Variants in PDC observed in about 807,000 individuals in gnomAD.
PDC encodes the protein 33 kDa phototransducing protein.
PDC carries 19 observed loss-of-function variants against 22.2 expected under a neutral mutation model. The ratio of observed to expected loss-of-function variants is 0.86; its 90% CI spans 0.60 to 1.26. PDC has a LOEUF of 1.26. Among genes scored for constraint, PDC ranks in the 50% most tolerant of loss-of-function variants. The pLI, the probability that PDC is intolerant of heterozygous loss-of-function variation, is 0.00. For synonymous variants in PDC, 97 were observed against 96.2 expected, an observed-to-expected ratio of 1.01 and a Z score of -0.05; for missense variants, 274 against 286.8, an observed-to-expected ratio of 0.96 and a Z score of 0.32.
intron 3 of PDC, 95 bp downstream of exon 3, chr1:186,446,331 A>T: frequency 1.1e-6 from 1 of 944,736 alleles, no homozygotes; most frequent in Non-Finnish European, 1.5e-6. Context: ...ATTGTAATGA[A>T]TATATTTTGT....
At chr1:186,451,896 T>C (rs1037396248) in intron 1 of PDC, 2 of 152,236 alleles carry the variant, frequency 1.3e-5, no homozygotes, top group African/African-American at 4.8e-5. Flanking sequence ...TGCTCACTAA[T>C]ACTAAGACTT....
intron 1 of PDC, among the ~76,000 whole-genome samples, chr1:186,457,623 G>T (rs993965152): frequency 6.6e-6 from 1 of 151,962 alleles, no homozygotes; most frequent in African/African-American, 2.4e-5. Flanking sequence ...GATTTTTGTT[G>T]CCACCTTCAG....
intron 1 of PDC, among the ~76,000 whole-genome samples, chr1:186,452,618 A>G (rs1246236751): frequency 6.6e-6 from 1 of 152,276 alleles, no homozygotes; most frequent in Non-Finnish European, 1.5e-5. Context: ...TCTGTTAGAT[A>G]AAATAAAAAT....
chr1:186,455,967 G>A (rs1445351431), intron 1 of PDC, among the ~76,000 whole-genome samples: 9 of 18,738 alleles, frequency 4.8e-4, no homozygotes, highest in South Asian at 2.5e-3. Flanking sequence ...GCGCGACTCC[G>A]TCTCAAAAAA....
Position 186,449,400 on chromosome 1 carries a change from T to TG in PDC, c.59dup (p.Gly21ArgfsTer8). Reference sequence around the variant, plus strand: ...ATTTTTTCTTCTAGCTTTGCTTGCCTGTATGTGTGGCCTGTCCTTCAAAGT... The same window carrying TG: ...ATTTTTTCTTCTAGCTTTGCTTGCCTGGTATGTGTGGCCTGTCCTTCAAAGT... On this transcript the variant is annotated frameshift_variant and splice_region_variant, in exon 2 of 4. Coordinates refer to ENST00000391997, the MANE Select transcript of PDC (RefSeq NM_002597.5). LOFTEE classifies it high-confidence loss of function. 1 of 1,595,104 alleles carries TG rather than the reference T, an allele frequency of 6.3e-7. No homozygotes were observed. The highest frequency in any genetic ancestry group is 8.6e-7 in the Non-Finnish European group (1 of 1,165,986).
In PDC at chr1:186,449,453, C is replaced by T; in HGVS notation, c.7G>A (p.Glu3Lys). MEEAKSQSLEEDF... is the reference protein window; with the variant it reads MEKAKSQSLEEDF... ...TCCTCCAAACTTTGGCTTTTGGCTT[C>T]TTCCATTTTAGGGACTGGATTTGAT... Residue 3 changes from glutamate to lysine, a missense_variant, in exon 2 of 4, where the codon GAA becomes AAA. Transcript: ENST00000391997. 2 of 1,601,520 alleles carry T rather than the reference C, an allele frequency of 1.2e-6. No homozygotes were observed. The highest frequency in any genetic ancestry group is 1.7e-6 in the Non-Finnish European group (2 of 1,170,222).
intron 3 of PDC, 79 bp from the exon 4 acceptor site, chr1:186,444,585 G>A (rs1662182745): frequency 1.4e-5 from 13 of 920,964 alleles, no homozygotes; most frequent in Middle Eastern, 2.3e-4. Context: ...CTCAACCGAA[G>A]GAGTGTACTT....
intron 1 of PDC, among the ~76,000 whole-genome samples, chr1:186,458,251 TAGAA>T (rs1662510284): frequency 6.7e-6 from 1 of 149,052 alleles, no homozygotes; most frequent in East Asian, 1.9e-4. Context: ...TTTTTTTTTT[TAGAA>T]AGAAGGTTGA....
chr1:186,450,698 C>T (rs532363861), intron 1 of PDC, among the ~76,000 whole-genome samples: 22 of 152,180 alleles, frequency 1.4e-4, no homozygotes, highest in Non-Finnish European at 2.5e-4. Flanking sequence ...TTTATTCATA[C>T]GAAACTCCTT....
chr1:186,450,246 A>G (rs1051221104), intron 1 of PDC, among the ~76,000 whole-genome samples: 1 of 152,228 alleles, frequency 6.6e-6, no homozygotes, highest in Non-Finnish European at 1.5e-5. Flanking sequence ...ATTCAATAGC[A>G]TCTCTCCATA....
chr1:186,455,797 T>TAAAACAA (rs1662450475), intron 1 of PDC, among the ~76,000 whole-genome samples: 1 of 39,362 alleles, frequency 2.5e-5, no homozygotes, highest in Non-Finnish European at 4.5e-5. Flanking sequence ...CCGTCTCTAC[T>TAAAACAA]AAAAAAAAAA....
chr1:186,444,321 G>C lies in PDC; in HGVS notation c.399C>G (p.Ile133Met). The change falls in exon 4 of 4, where the codon ATC becomes ATG. Residue 133 changes from isoleucine to methionine, a missense_variant. Ile to Met is a conservative substitution (Grantham distance 10). Coordinates refer to ENST00000391997, the MANE Select transcript of PDC (RefSeq NM_002597.5). ...CATAAATGTGAACAACAATTGTGGT[G>C]ATCTTCAGTTCCTTTTCAATTGTTT... ...FLETIEKELK[I>M]TTIVVHIYED... is the part of the protein sequence containing the mutation. 1 of 1,613,970 alleles carries C rather than the reference G, an allele frequency of 6.2e-7. No individual in the cohort carries two copies. Among genetic ancestry groups the C allele is most frequent in the Non-Finnish European group, 8.5e-7 (1 of 1,179,904 alleles).
chr1:186,459,752 G>GTATAGATATATA (rs1662542099), intron 1 of PDC, among the ~76,000 whole-genome samples: 1 of 112,084 alleles, frequency 8.9e-6, no homozygotes, highest in Non-Finnish European at 1.9e-5. Context: ...GTGTGTGTGT[G>GTATAGATATATA]TATATATATA....
chr1:186,447,781 C>A (rs1351276059), intron 2 of PDC, among the ~76,000 whole-genome samples: 1 of 151,780 alleles, frequency 6.6e-6, no homozygotes, highest in African/African-American at 2.4e-5. Context: ...TTTTTGTTTT[C>A]ACATACAGTG....
intron 1 of PDC, among the ~76,000 whole-genome samples, chr1:186,460,240 C>A (rs1662556064): frequency 6.6e-6 from 1 of 152,082 alleles, no homozygotes; most frequent in South Asian, 2.1e-4. Context: ...TGAAAAATTC[C>A]AGAGATAAAC....
At chr1:186,449,854 T>C (rs1489024072) in intron 1 of PDC, among the ~76,000 whole-genome samples, 2 of 152,136 alleles carry the variant, frequency 1.3e-5, no homozygotes, top group African/African-American at 2.4e-5. Flanking sequence ...TATGACGTAA[T>C]ATATGTTACT....
chr1:186,446,855 G>T (rs1485985256), intron 2 of PDC, among the ~76,000 whole-genome samples: 2 of 152,012 alleles, frequency 1.3e-5, no homozygotes, highest in African/African-American at 4.8e-5. Flanking sequence ...AAAGGTTGGG[G>T]TTAATATATT....
intron 3 of PDC, 70 bp from the exon 4 acceptor site, chr1:186,444,576 T>TTGG (rs1273895294): frequency 1.1e-4 from 111 of 1,024,164 alleles, no homozygotes; most frequent in Middle Eastern, 8.6e-4. Context: ...AAGCCCATTC[T>TTGG]CAACCGAAGG....
intron 3 of PDC, among the ~76,000 whole-genome samples, 173 bp downstream of exon 3, chr1:186,446,253 G>A (rs1662224797): frequency 6.6e-6 from 1 of 152,054 alleles, no homozygotes. Context: ...AACTGTACCT[G>A]TTCTTAGTAT....
Sources: allele counts gnomAD v4.1 joint callset (sites outside exome capture counted in the v4.1 genomes callset), GRCh38; gene constraint gnomAD v4.1.1; transcripts MANE v1.5; gene names NCBI Gene and HGNC (gene_info 2026-07-23, HGNC 2026-07-21).